DLGAP2: variants seen among roughly 807,000 people sequenced by gnomAD.
DLGAP2 encodes DLG associated protein 2.
Under a neutral mutation model 100.3 loss-of-function variants are expected in DLGAP2, and 26 were observed. That is an observed-to-expected ratio of 0.26 (90% CI 0.19 to 0.36). The LOEUF is 0.36. Ranked by LOEUF, DLGAP2 falls within the 10% of genes least tolerant of loss-of-function variation. The pLI is 1.00. For synonymous variants in DLGAP2, 886 were observed against 630.1 expected (o/e 1.41, Z -6.08); for missense variants, 1,858 against 1,453.2 (o/e 1.28, Z -4.53).
At chr8:1,032,957 G>C (rs771414671) in intron 2 of DLGAP2, 3 of 152,218 alleles carry the variant, frequency 2.0e-5, no homozygotes. Flanking sequence ...CTGACAGCTG[G>C]GTGCTGGTGT....
chr8:1,547,781 A>G (rs3812479), intron 4 of DLGAP2, among the ~76,000 whole-genome samples: 70,635 of 151,982 alleles, frequency 0.46, 16,578 homozygotes, highest in East Asian at 0.57. Flanking sequence ...GGAGGAGTCA[A>G]GCGGGATTCC....
intron 3 of DLGAP2, among the ~76,000 whole-genome samples, chr8:1,410,799 C>T (rs1354662787): frequency 1.3e-5 from 2 of 151,836 alleles, no homozygotes; most frequent in Non-Finnish European, 2.9e-5. Flanking sequence ...GCCACCTTTC[C>T]CTGTGGGAAT....
intron 8 of DLGAP2, among the ~76,000 whole-genome samples, chr8:1,653,467 G>C (rs920015817): frequency 6.6e-6 from 1 of 152,182 alleles, no homozygotes; most frequent in African/African-American, 2.4e-5. Flanking sequence ...CACAGGTGTC[G>C]TTCATGCTCA....
intron 2 of DLGAP2, among the ~76,000 whole-genome samples, chr8:1,122,927 T>C (rs1796083541): frequency 6.6e-6 from 1 of 152,188 alleles, no homozygotes; most frequent in Non-Finnish European, 1.5e-5. Flanking sequence ...ATACCAGCTC[T>C]TAAGAACCTC....
At chr8:900,212 G>A (rs1300968600) in intron 1 of DLGAP2, among the ~76,000 whole-genome samples, 3 of 150,074 alleles carry the variant, frequency 2.0e-5, no homozygotes, top group East Asian at 2.0e-4. Flanking sequence ...GGTCGCTCCC[G>A]GGCGGACGGT....
At chr8:1,138,219 C>A (rs991321552) in intron 2 of DLGAP2, among the ~76,000 whole-genome samples, 1 of 152,212 alleles carries the variant, frequency 6.6e-6, no homozygotes, top group Non-Finnish European at 1.5e-5. Context: ...TGGCTTTCCT[C>A]AATGCTCCCT....
At chr8:1,417,192 CGGGGGAGACTCTGAGTG>C (rs1796916597) in intron 3 of DLGAP2, among the ~76,000 whole-genome samples, 1 of 78,340 alleles carries the variant, frequency 1.3e-5, no homozygotes, top group Non-Finnish European at 2.6e-5. Flanking sequence ...GTGTCTGAGG[CGGGGGAGACTCTGAGTG>C]AGGGGAGACC....
At chr8:1,216,210 G>T (rs190667939) in intron 2 of DLGAP2, among the ~76,000 whole-genome samples, 195 of 152,282 alleles carry the variant, frequency 1.3e-3, no homozygotes, top group African/African-American at 4.5e-3. Flanking sequence ...TGTCACATTG[G>T]GGTCTTCAGG....
At chr8:947,348 T>G (rs1191787810) in intron 2 of DLGAP2, among the ~76,000 whole-genome samples, 1 of 152,196 alleles carries the variant, frequency 6.6e-6, no homozygotes, top group Non-Finnish European at 1.5e-5. Context: ...AGGGGTCCTG[T>G]CAGCAGGGGC....
intron 2 of DLGAP2, among the ~76,000 whole-genome samples, chr8:1,062,626 T>G (rs186900772): frequency 6.6e-6 from 1 of 152,192 alleles, no homozygotes; most frequent in Non-Finnish European, 1.5e-5. Context: ...CTCGATACTT[T>G]GCAGCATGTT....
chr8:1,595,177 A>G (rs1045347047), intron 6 of DLGAP2, among the ~76,000 whole-genome samples: 1 of 152,022 alleles, frequency 6.6e-6, no homozygotes, highest in African/African-American at 2.4e-5. Flanking sequence ...AGTGGCTGGT[A>G]TTACAGGCAC....
chr8:1,636,404 A>G (rs866564048), intron 8 of DLGAP2, among the ~76,000 whole-genome samples: 10 of 152,238 alleles, frequency 6.6e-5, no homozygotes, highest in Non-Finnish European at 1.3e-4. Context: ...TCTCAAGGGT[A>G]CATAGTAATT....
At chr8:777,860 T>C (rs1205514620) in intron 1 of DLGAP2, among the ~76,000 whole-genome samples, 8 of 152,140 alleles carry the variant, frequency 5.3e-5, no homozygotes, top group Non-Finnish European at 5.9e-5. Flanking sequence ...AGTATCTTTG[T>C]GGCGTCTCTG....
In DLGAP2 at chr8:1,463,565, G is replaced by A. The variant is rs143139831; in HGVS notation, c.107-37801G>A. Among the ~76,000 whole-genome samples the A allele has an allele frequency of 4.3e-3, 654 of 152,388 alleles. 2 individuals are homozygous for A. The highest frequency in any genetic ancestry group is 0.014 in the African/African-American group (596 of 41,596). ...GCCCCGGGTGGCCCCGAGCTGGTCC[G>A]GCCTCGCGTTGAGGGGTCCAGTGGT... On this transcript the variant is annotated intron_variant, in intron 3 of 14. Coordinates refer to ENST00000637795, the MANE Select transcript of DLGAP2 (RefSeq NM_001346810.2).
chr8:1,051,580 A>G (rs1266794494), intron 2 of DLGAP2, among the ~76,000 whole-genome samples: 1 of 152,230 alleles, frequency 6.6e-6, no homozygotes, highest in Non-Finnish European at 1.5e-5. Context: ...ACAAATAGAA[A>G]TAGACTTGCT....
intron 6 of DLGAP2, among the ~76,000 whole-genome samples, chr8:1,613,545 A>T (rs1797050824): frequency 6.6e-6 from 1 of 151,008 alleles, no homozygotes; most frequent in African/African-American, 2.4e-5. Flanking sequence ...AGTATAATAA[A>T]AAAAAAAAAA....
intron 4 of DLGAP2, among the ~76,000 whole-genome samples, chr8:1,522,390 G>A (rs895846648): frequency 1.3e-5 from 2 of 152,188 alleles, no homozygotes; most frequent in Non-Finnish European, 2.9e-5. Context: ...AGCAGCCGGG[G>A]CCCAGGGCAT....
intron 2 of DLGAP2, among the ~76,000 whole-genome samples, chr8:994,868 A>C (rs1201612117): frequency 6.6e-6 from 1 of 152,184 alleles, no homozygotes; most frequent in Non-Finnish European, 1.5e-5. Context: ...GGGGTATTTT[A>C]CACTTGAGTG....
chr8:1,485,390 G>C (rs1799211843), intron 3 of DLGAP2, among the ~76,000 whole-genome samples: 1 of 152,208 alleles, frequency 6.6e-6, no homozygotes, highest in Non-Finnish European at 1.5e-5. Flanking sequence ...CGTTCATGCA[G>C]ATGCAGGATT....
Sources: gnomAD v4.1 joint callset for allele counts (sites outside exome capture counted in the v4.1 genomes callset) on GRCh38, gnomAD v4.1.1 for gene constraint, MANE v1.5 for transcripts, NCBI Gene and HGNC (gene_info 2026-07-23, HGNC 2026-07-21) for gene names.